Variants in SNTG1 observed in about 807,000 individuals in gnomAD.
SNTG1 encodes the protein syntrophin gamma 1, also known as gamma-1-syntrophin.
In SNTG1, 39 loss-of-function variants were observed where a neutral mutation model predicts 74.7. The observed-to-expected ratio is 0.52, with a 90% CI of 0.40 to 0.68. The LOEUF (loss-of-function observed/expected upper bound fraction) is 0.68, where lower values mean the gene tolerates loss of function less well. Among genes scored for constraint, SNTG1 ranks in the 30% least tolerant of loss-of-function variants. The probability of loss-of-function intolerance (pLI) is 0.00; values close to 1 mark genes in which losing one functional copy is unlikely to be tolerated. For missense variants in SNTG1, 685 were observed against 609.5 expected, an observed-to-expected ratio of 1.12 and a Z score of -1.30; for synonymous variants, 254 against 217.1, an observed-to-expected ratio of 1.17 and a Z score of -1.49.
intron 1 of SNTG1, among the ~76,000 whole-genome samples, chr8:49,983,567 T>C (rs931294): frequency 0.73 from 110,914 of 152,118 alleles, 41,265 homozygotes; most frequent in East Asian, 0.86. Flanking sequence ...AATGAGATAA[T>C]ATGTATAAGA....
rs546941462 is a variant in SNTG1 at position 50,554,537 on chromosome 8, C to A, written c.810+1358C>A. On this transcript the variant is annotated intron_variant, in intron 12 of 18. Transcript: ENST00000642720. ...GTAAATACACCAAGCCTTACCCAGGCTCATCCCTCAACAAGGAGGCTAAAC... is the reference window on the plus strand; with the variant it reads ...GTAAATACACCAAGCCTTACCCAGGATCATCCCTCAACAAGGAGGCTAAAC... 5.3e-5 allele frequency among the ~76,000 whole-genome samples: 8 copies of A among 150,824 alleles called. No homozygotes were observed. In the East Asian group the frequency reaches 1.6e-3, roughly 30 times the overall value.
At chr8:50,278,103 G>C (rs1387257474) in intron 2 of SNTG1, among the ~76,000 whole-genome samples, 1 of 152,000 alleles carries the variant, frequency 6.6e-6, no homozygotes, top group Non-Finnish European at 1.5e-5. Flanking sequence ...AACCCAGGAG[G>C]CAGAGGTTGC....
chr8:50,498,090 A>G (rs1234437108), intron 8 of SNTG1, among the ~76,000 whole-genome samples: 2 of 151,988 alleles, frequency 1.3e-5, no homozygotes, highest in Admixed American at 1.3e-4. Context: ...AAGTATTTGT[A>G]AGTACATTTA....
At chr8:50,766,369 T>C (rs1309814221) in intron 18 of SNTG1, among the ~76,000 whole-genome samples, 1 of 152,040 alleles carries the variant, frequency 6.6e-6, no homozygotes, top group Non-Finnish European at 1.5e-5. Flanking sequence ...TGGCTTGTGA[T>C]GCAAATTATT....
At chr8:50,126,575 T>C (rs1411346639) in intron 1 of SNTG1, among the ~76,000 whole-genome samples, 1 of 152,018 alleles carries the variant, frequency 6.6e-6, no homozygotes, top group Non-Finnish European at 1.5e-5. Flanking sequence ...GTGTTTTATA[T>C]ATAAAGCATA....
intron 2 of SNTG1, among the ~76,000 whole-genome samples, chr8:50,174,188 T>C (rs2082910882): frequency 6.6e-6 from 1 of 152,274 alleles, no homozygotes; most frequent in African/African-American, 2.4e-5. Flanking sequence ...TATGCCTGCA[T>C]AGTATTCCAT....
At chr8:49,914,310 A>G (rs1003678227) in intron 1 of SNTG1, among the ~76,000 whole-genome samples, 2 of 152,136 alleles carry the variant, frequency 1.3e-5, no homozygotes, top group Admixed American at 6.5e-5. Flanking sequence ...TTGCTAAAGA[A>G]AAAGGATGCA....
At chr8:50,227,848 A>G (rs1283786334) in intron 2 of SNTG1, among the ~76,000 whole-genome samples, 2 of 151,234 alleles carry the variant, frequency 1.3e-5, no homozygotes, top group East Asian at 3.9e-4. Context: ...CCAAAAGGTA[A>G]GGTCTATTTC....
chr8:49,997,884 G>C (rs775929256), intron 1 of SNTG1, among the ~76,000 whole-genome samples: 1 of 152,136 alleles, frequency 6.6e-6, no homozygotes, highest in Non-Finnish European at 1.5e-5. Flanking sequence ...CTTCTCACCT[G>C]AAGTCTAGAC....
At chr8:50,487,618 G>A (rs934277490) in intron 8 of SNTG1, among the ~76,000 whole-genome samples, 16 of 149,550 alleles carry the variant, frequency 1.1e-4, no homozygotes, top group African/African-American at 2.7e-4. Flanking sequence ...ATTCTCACTC[G>A]TAGGTGGGAA....
chr8:50,242,995 A>G (rs2129704835), intron 2 of SNTG1, among the ~76,000 whole-genome samples: 1 of 152,166 alleles, frequency 6.6e-6, no homozygotes, highest in Non-Finnish European at 1.5e-5. Flanking sequence ...TTTGTCTGTT[A>G]TTTCTACTAA....
intron 9 of SNTG1, among the ~76,000 whole-genome samples, chr8:50,511,742 G>C (rs1272739694): frequency 6.6e-6 from 1 of 152,044 alleles, no homozygotes; most frequent in Non-Finnish European, 1.5e-5. Flanking sequence ...TGCAACCTCT[G>C]CCTTTTTTTG....
rs2095200115 is a variant in SNTG1 at position 50,658,809 on chromosome 8, T to C, written c.1038+146T>C. Reference sequence around the variant, plus strand: ...CAAATGAAAGAGAAAGAAAATAAACTGGACAAAAAAGAGAAAATATAGAAT... The same window carrying C: ...CAAATGAAAGAGAAAGAAAATAAACCGGACAAAAAAGAGAAAATATAGAAT... On this transcript the variant is annotated intron_variant, in intron 15 of 18. Transcript: ENST00000642720. 4.3e-5 allele frequency: 25 copies of C among 576,428 alleles called. No individual in the cohort carries two copies. In the East Asian group the frequency reaches 7.7e-4, roughly 18 times the overall value. 35.7% of individuals were successfully genotyped at this position (576,428 alleles called of 1,614,324 possible).
intron 8 of SNTG1, among the ~76,000 whole-genome samples, chr8:50,501,611 A>ATTTTTTTTT (rs57220646): frequency 1.7e-4 from 23 of 134,038 alleles, no homozygotes; most frequent in Non-Finnish European, 3.3e-4. Context: ...ATTTTTTTTT[A>ATTTTTTTTT]TTTTTTTTTT....
intron 1 of SNTG1, chr8:50,011,792 T>C (rs1375018202): frequency 6.6e-6 from 1 of 152,164 alleles, no homozygotes; most frequent in Admixed American, 6.6e-5. Context: ...CTGGACACGT[T>C]GGTGGGAGTT....
chr8:50,028,516 T>C (rs1354119828), intron 1 of SNTG1, among the ~76,000 whole-genome samples: 1 of 151,406 alleles, frequency 6.6e-6, no homozygotes, highest in Non-Finnish European at 1.5e-5. Flanking sequence ...CAGGTGTATC[T>C]TTAAAAAAAA....
At chr8:50,117,472 A>G (rs1242249028) in intron 1 of SNTG1, among the ~76,000 whole-genome samples, 1 of 152,142 alleles carries the variant, frequency 6.6e-6, no homozygotes, top group Non-Finnish European at 1.5e-5. Context: ...CTTATAAAGA[A>G]CATAAAATGT....
In SNTG1 at chr8:50,564,358, A is replaced by C. The variant is rs140101969; in HGVS notation, c.810+11179A>C. On this transcript the variant is annotated intron_variant, in intron 12 of 18. Coordinates refer to ENST00000642720, the MANE Select transcript of SNTG1 (RefSeq NM_018967.5). ...TACAATAATATATAAACATATATAG[A>C]AAACAACAACCTTACATTTTATTAT... Among the ~76,000 whole-genome samples, 818 of 152,278 alleles carry C rather than the reference A, an allele frequency of 5.4e-3. 7 individuals are homozygous for C. Among genetic ancestry groups the C allele is most frequent in the African/African-American group, 0.018 (759 of 41,580 alleles).
rs184169753 is a variant in SNTG1, at chr8:50,424,103, G to C, written c.163-14440G>C. On this transcript the variant is annotated intron_variant, in intron 4 of 18. Transcript: ENST00000642720. Reference sequence around the variant, plus strand: ...ACAAATAAACATGATGTTTGCTTTTGGAATGGGTGAATCAAAGGTTCCGGG... The same window carrying C: ...ACAAATAAACATGATGTTTGCTTTTCGAATGGGTGAATCAAAGGTTCCGGG... Among the ~76,000 whole-genome samples the C allele has an allele frequency of 7.2e-5, 11 of 152,188 alleles. No homozygotes were observed. The South Asian group carries it at 1.0e-3, about 14-fold the overall frequency.
Sources: gnomAD v4.1 joint callset for allele counts (sites outside exome capture counted in the v4.1 genomes callset) on GRCh38, gnomAD v4.1.1 for gene constraint, MANE v1.5 for transcripts, NCBI Gene and HGNC (gene_info 2026-07-23, HGNC 2026-07-21) for gene names.